MYBL2: variants seen among roughly 807,000 people sequenced by gnomAD.
MYBL2 encodes myb-related protein B.
Under a neutral mutation model 79.9 loss-of-function variants are expected in MYBL2, and 28 were observed. The observed-to-expected ratio is 0.35, with a 90% CI of 0.26 to 0.48. The LOEUF is 0.48. Among genes scored for constraint, MYBL2 ranks in the 20% least tolerant of loss-of-function variants. The pLI is 0.99. For missense variants in MYBL2, 735 were observed against 893.9 expected, an observed-to-expected ratio of 0.82 and a Z score of 2.27; for synonymous variants, 378 against 361.2, an observed-to-expected ratio of 1.05 and a Z score of -0.53.
At chr20:43,673,632 T>C (rs1264060287) in intron 1 of MYBL2, 174 bp from the exon 2 acceptor site, 1 of 709,190 alleles carries the variant, frequency 1.4e-6, no homozygotes, top group Non-Finnish European at 2.6e-6. Context: ...AGTGAGACCC[T>C]GTCTCAATAA....
At chr20:43,696,391 C>CAG (rs1987542207) in intron 6 of MYBL2, among the ~76,000 whole-genome samples, 1 of 150,814 alleles carries the variant, frequency 6.6e-6, no homozygotes, top group African/African-American at 2.4e-5. Context: ...CAAGCATGTG[C>CAG]CACCATGCCT....
At chr20:43,711,852 A>G (rs563178884) in intron 11 of MYBL2, among the ~76,000 whole-genome samples, 3 of 152,240 alleles carry the variant, frequency 2.0e-5, no homozygotes, top group East Asian at 1.9e-4. Context: ...ACCCTGCTCA[A>G]GTTGGGCTGG....
chr20:43,699,997 C>G lies in MYBL2; in HGVS notation c.904C>G (p.Pro302Ala). ...WVVEAANLLIPAVGSSLSEAL... is the reference protein window; with the variant it reads ...WVVEAANLLIAAVGSSLSEAL... ...GGTGGAGGCAGCTAACCTCCTCATC[C>G]CTGCTGTGGGTTCTAGCCTCTCTGA... Residue 302 changes from proline (P) to alanine (A), a missense_variant, in exon 7 of 14, where the codon CCT becomes GCT. Physicochemically the swap from Pro to Ala is conservative, Grantham distance 27. Around this residue, in one of 5 missense-constraint regions of MYBL2, gnomAD observed 243 missense variants for 327.2 expected, o/e 0.74. Coordinates refer to ENST00000217026, the MANE Select transcript of MYBL2 (RefSeq NM_002466.4). The G allele has an allele frequency of 6.2e-7, 1 of 1,614,082 alleles. No homozygotes were observed. The highest frequency in any genetic ancestry group is 8.5e-7 in the Non-Finnish European group (1 of 1,180,034).
In MYBL2 at chr20:43,715,961, G is replaced by C. The variant is rs754542069; in HGVS notation, c.1977G>C (p.Met659Ile). 1.2e-6 allele frequency: 2 copies of C among 1,610,542 alleles called. No individual in the cohort carries two copies. The highest frequency in any genetic ancestry group is 1.7e-6 in the Non-Finnish European group (2 of 1,179,170). ...PRSHFTTPAP[M>I]SSAWKTVACG... ...GTAACCCTCTTGCCTCCTCCCAGATGTCCAGTGCCTGGAAGACGGTGGCCT... is the reference window on the plus strand; with the variant it reads ...GTAACCCTCTTGCCTCCTCCCAGATCTCCAGTGCCTGGAAGACGGTGGCCT... The change falls in exon 14 of 14, where the codon ATG becomes ATC. Residue 659 changes from methionine (M) to isoleucine (I), a missense_variant and splice_region_variant. Transcript: ENST00000217026.
rs1987700458 is a variant in MYBL2, at chr20:43,702,716, C to G, written c.1178C>G (p.Ser393Cys). Residue 393 changes from serine (S) to cysteine (C), a missense_variant, in exon 8 of 14, where the codon TCC becomes TGC. By Grantham distance (112) the Ser-to-Cys change is moderately radical (BLOSUM62 -1). This residue lies in a region of MYBL2 where 243 missense variants were observed against 327.2 expected (regional missense o/e 0.74). Coordinates refer to ENST00000217026, the MANE Select transcript of MYBL2 (RefSeq NM_002466.4). Reference protein sequence around the residue: ...RSSRGELIPISPSTEVGGSGI... With the variant: ...RSSRGELIPICPSTEVGGSGI... ...AGCCGGGGCGAGCTGATCCCCATCT[C>G]CCCCAGCACTGAAGTCGGGGGCTCT... 1.9e-6 allele frequency: 3 copies of G among 1,613,784 alleles called. No individual in the cohort carries two copies. Among genetic ancestry groups the G allele is most frequent in the African/African-American group, 1.3e-5 (1 of 74,950 alleles).
chr20:43,684,961 A>G (rs1046850804), intron 4 of MYBL2, among the ~76,000 whole-genome samples: 18 of 151,620 alleles, frequency 1.2e-4, no homozygotes, highest in African/African-American at 4.3e-4. Context: ...AGCCTGACCA[A>G]CATGGCGAAA....
intron 2 of MYBL2, among the ~76,000 whole-genome samples, chr20:43,674,212 C>A (rs1293291243): frequency 2.4e-5 from 3 of 127,292 alleles, no homozygotes; most frequent in African/African-American, 5.7e-5. Flanking sequence ...GAGGTTTGGC[C>A]AAATCTGTAA....
intron 1 of MYBL2, 58 bp downstream of exon 1, chr20:43,667,361 C>G: frequency 8.7e-7 from 1 of 1,147,064 alleles, no homozygotes; most frequent in Non-Finnish European, 1.1e-6. Flanking sequence ...ACCCCTCCCC[C>G]ACCCAGATAC....
intron 6 of MYBL2, among the ~76,000 whole-genome samples, chr20:43,693,258 C>T (rs933334055): frequency 6.6e-6 from 1 of 152,152 alleles, no homozygotes; most frequent in African/African-American, 2.4e-5. Flanking sequence ...GTTTGAATTC[C>T]TAGCCTGAAG....
chr20:43,688,798 A>T (rs1363182878), intron 5 of MYBL2, among the ~76,000 whole-genome samples: 1 of 151,292 alleles, frequency 6.6e-6, no homozygotes, highest in East Asian at 2.0e-4. Flanking sequence ...TCAATATTAT[A>T]TTTTTTTTAA....
intron 1 of MYBL2, among the ~76,000 whole-genome samples, chr20:43,673,481 A>G (rs1986915664): frequency 6.6e-6 from 1 of 151,820 alleles, no homozygotes; most frequent in African/African-American, 2.4e-5. Flanking sequence ...TACAAAAAAT[A>G]CAAAAGTTAG....
intron 7 of MYBL2, among the ~76,000 whole-genome samples, chr20:43,702,266 T>C (rs550815158): frequency 6.6e-6 from 1 of 152,334 alleles, no homozygotes; most frequent in South Asian, 2.1e-4. Flanking sequence ...GCTACTGTAC[T>C]CCAGCGTAGG....
chr20:43,693,791 C>A (rs1465019926), intron 6 of MYBL2, among the ~76,000 whole-genome samples: 1 of 152,160 alleles, frequency 6.6e-6, no homozygotes, highest in African/African-American at 2.4e-5. Flanking sequence ...TGGCTAACAT[C>A]TGTAATCCCA....
intron 6 of MYBL2, among the ~76,000 whole-genome samples, chr20:43,696,318 G>A (rs1376696268): frequency 2.0e-5 from 3 of 151,296 alleles, no homozygotes; most frequent in Non-Finnish European, 2.9e-5. Context: ...TTGGCTCACC[G>A]CAACCTCCGC....
chr20:43,684,639 G>T (rs1343722377), intron 4 of MYBL2, among the ~76,000 whole-genome samples: 1 of 150,916 alleles, frequency 6.6e-6, no homozygotes, highest in East Asian at 1.9e-4. Flanking sequence ...GCCTCCCAAA[G>T]TTCTGGGATT....
chr20:43,691,249 C>A (rs1347325111), intron 5 of MYBL2, among the ~76,000 whole-genome samples: 1 of 152,078 alleles, frequency 6.6e-6, no homozygotes, highest in East Asian at 1.9e-4. Context: ...TCGAAGTGGG[C>A]AGGGAAGGGG....
intron 12 of MYBL2, 88 bp from the exon 13 acceptor site, chr20:43,715,046 G>A (rs1030203127): frequency 2.0e-5 from 30 of 1,483,872 alleles, no homozygotes; most frequent in Non-Finnish European, 2.6e-5. Flanking sequence ...CAGCCAGGTG[G>A]TGGTGCTGGG....
intron 1 of MYBL2, among the ~76,000 whole-genome samples, chr20:43,668,357 C>T (rs1266455495): frequency 3.3e-5 from 5 of 152,006 alleles, no homozygotes; most frequent in Non-Finnish European, 2.9e-5. Context: ...CGTGTCACCA[C>T]GTCGGGCTAA....
At chr20:43,708,971 AGACTGT>A (rs923241409) in intron 9 of MYBL2, among the ~76,000 whole-genome samples, 1 of 152,224 alleles carries the variant, frequency 6.6e-6, no homozygotes, top group Non-Finnish European at 1.5e-5. Flanking sequence ...GTTTGGGAAG[AGACTGT>A]GGATCCCTGC....
Sources: gnomAD v4.1 joint callset for allele counts (sites outside exome capture counted in the v4.1 genomes callset) on GRCh38, gnomAD v4.1.1 for gene constraint, gnomAD v4.1.1 regional missense constraint, MANE v1.5 for transcripts, NCBI Gene and HGNC (gene_info 2026-07-23, HGNC 2026-07-21) for gene names.